METAP2: variants seen among roughly 807,000 people sequenced by gnomAD.
METAP2 encodes methionine aminopeptidase 2.
In METAP2, 25 loss-of-function variants were observed where a neutral mutation model predicts 59.4. The ratio of observed to expected loss-of-function variants is 0.42; its 90% CI spans 0.31 to 0.59. The LOEUF (loss-of-function observed/expected upper bound fraction) is 0.59, where lower values mean the gene tolerates loss of function less well. Among genes scored for constraint, METAP2 ranks in the 20% least tolerant of loss-of-function variants. The pLI, the probability that METAP2 is intolerant of heterozygous loss-of-function variation, is 0.16. For missense variants in METAP2, 366 were observed against 581.2 expected, an observed-to-expected ratio of 0.63 and a Z score of 3.81; for synonymous variants, 214 against 194.1, an observed-to-expected ratio of 1.10 and a Z score of -0.85.
intron 2 of METAP2, among the ~76,000 whole-genome samples, chr12:95,481,409 A>T (rs922681771): frequency 6.6e-6 from 1 of 152,200 alleles, no homozygotes; most frequent in Admixed American, 6.5e-5. Context: ...AGACCCTGTC[A>T]CAGAAAAACC....
Position 95,515,070 on chromosome 12 carries a change from T to C in METAP2, c.*1166T>C, listed in dbSNP as rs561976821. The C allele has an allele frequency of 6.5e-6, 1 of 152,812 alleles. No homozygotes were observed. Among genetic ancestry groups the C allele is most frequent in the South Asian group, 2.1e-4 (1 of 4,826 alleles). 9.5% of individuals were successfully genotyped at this position (152,812 alleles called of 1,614,324 possible). A position where few individuals can be genotyped will look rare whatever the true frequency, so the allele number is the denominator to read the frequency against. On this transcript the variant is annotated 3_prime_UTR_variant, in exon 11 of 11. Coordinates refer to ENST00000323666, the MANE Select transcript of METAP2 (RefSeq NM_006838.4). ...ATAATTTTATGGGAATGTTCCATCATAATTTCTAAATCATTTATATATCAA... is the reference window on the plus strand; with the variant it reads ...ATAATTTTATGGGAATGTTCCATCACAATTTCTAAATCATTTATATATCAA...
chr12:95,482,761 C>T (rs2076168311), intron 2 of METAP2, among the ~76,000 whole-genome samples: 1 of 152,114 alleles, frequency 6.6e-6, no homozygotes, highest in Non-Finnish European at 1.5e-5. Context: ...CATTGCACTC[C>T]AGCCTGGGCA....
intron 4 of METAP2, among the ~76,000 whole-genome samples, chr12:95,490,219 G>C (rs1375403126): frequency 6.7e-6 from 1 of 149,384 alleles, no homozygotes; most frequent in Admixed American, 6.7e-5. Flanking sequence ...CTCCTGCATT[G>C]GCCTCCCAAA....
chr12:95,508,195 C>CT, intron 8 of METAP2, among the ~76,000 whole-genome samples: 1 of 152,242 alleles, frequency 6.6e-6, no homozygotes, highest in South Asian at 2.1e-4. Context: ...GGTAAACATA[C>CT]TTTTCTTTGT....
chr12:95,512,427 C>T (rs1164619060), intron 9 of METAP2, among the ~76,000 whole-genome samples: 1 of 152,162 alleles, frequency 6.6e-6, no homozygotes, highest in African/African-American at 2.4e-5. Context: ...TAATTGTAGG[C>T]CAGGCTCGGT....
chr12:95,481,259 A>G (rs2140139832), intron 2 of METAP2, among the ~76,000 whole-genome samples: 1 of 152,280 alleles, frequency 6.6e-6, no homozygotes, highest in East Asian at 1.9e-4. Flanking sequence ...AGATTAAAAA[A>G]CATTAGCCAG....
rs114980501 is a variant in METAP2, at chr12:95,510,250, T to G, written c.965-1645T>G. On this transcript the variant is annotated intron_variant, in intron 8 of 10. Transcript: ENST00000323666. ...CCTCACTCCTCAAGAAATTGAATAT[T>G]GCCAGTATTCCAGAAGACGCTCAGT... Among the ~76,000 whole-genome samples the G allele has an allele frequency of 5.5e-3, 835 of 152,340 alleles. 10 individuals carry two copies. The highest frequency in any genetic ancestry group is 0.019 in the African/African-American group (800 of 41,576).
At chr12:95,501,877 A>ATAG (rs2076318727) in intron 7 of METAP2, among the ~76,000 whole-genome samples, 1 of 151,422 alleles carries the variant, frequency 6.6e-6, no homozygotes, top group Non-Finnish European at 1.5e-5. Context: ...AAGTTACTAC[A>ATAG]TAGTATCCTT....
At chr12:95,512,124 C>A in intron 9 of METAP2, 126 bp downstream of exon 9, 1 of 628,154 alleles carries the variant, frequency 1.6e-6, no homozygotes, top group South Asian at 2.8e-5. Context: ...ATTCACCCTG[C>A]CAGGAATTGG....
chr12:95,507,470 C>G (rs1044348626), intron 8 of METAP2, among the ~76,000 whole-genome samples: 15 of 152,252 alleles, frequency 9.9e-5, no homozygotes, highest in Non-Finnish European at 1.5e-5. Flanking sequence ...GGCAAAATAC[C>G]AGGATTGGCA....
intron 8 of METAP2, among the ~76,000 whole-genome samples, chr12:95,505,382 C>CA (rs1252139959): frequency 6.6e-6 from 1 of 152,192 alleles, no homozygotes; most frequent in Non-Finnish European, 1.5e-5. Flanking sequence ...GGCTGGGATG[C>CA]AATGATGCAA....
intron 7 of METAP2, among the ~76,000 whole-genome samples, chr12:95,500,857 T>A (rs894596004): frequency 6.6e-6 from 1 of 152,182 alleles, no homozygotes; most frequent in Admixed American, 6.5e-5. Flanking sequence ...TTTGCCTCGC[T>A]TTGGTATCAG....
chr12:95,476,464 A>T (rs2076119562), intron 2 of METAP2, among the ~76,000 whole-genome samples: 1 of 149,768 alleles, frequency 6.7e-6, no homozygotes, highest in Admixed American at 6.6e-5. Context: ...GTGAGCTGAG[A>T]TTGCACCACT....
intron 2 of METAP2, among the ~76,000 whole-genome samples, chr12:95,478,597 A>T (rs915320456): frequency 3.9e-5 from 6 of 152,126 alleles, no homozygotes; most frequent in African/African-American, 1.4e-4. Flanking sequence ...GCGCCATTGC[A>T]CTTTAGCCTG....
chr12:95,476,539 A>AGAGAGAGAGAG (rs773224806), intron 2 of METAP2, among the ~76,000 whole-genome samples: 42 of 148,594 alleles, frequency 2.8e-4, no homozygotes, highest in African/African-American at 4.5e-4. Context: ...AGAAAGAAAG[A>AGAGAGAGAGAG]AAAGCTAGAA....
intron 7 of METAP2, among the ~76,000 whole-genome samples, chr12:95,502,730 T>C (rs1394267169): frequency 6.6e-6 from 1 of 152,136 alleles, no homozygotes; most frequent in East Asian, 1.9e-4. Flanking sequence ...GATATACAGG[T>C]CCCTGAGGTT....
At chr12:95,484,659 C>T (rs1444933010) in intron 3 of METAP2, 1 of 297,618 alleles carries the variant, frequency 3.4e-6, no homozygotes, top group Non-Finnish European at 6.4e-6. Flanking sequence ...GTTCTGCTTC[C>T]TCTGAGGATG....
intron 7 of METAP2, among the ~76,000 whole-genome samples, 188 bp from the exon 8 acceptor site, chr12:95,503,877 G>C (rs78145003): frequency 6.6e-6 from 1 of 152,152 alleles, no homozygotes; most frequent in Non-Finnish European, 1.5e-5. Context: ...TGTCTATTTA[G>C]GGAGGCAGAT....
chr12:95,480,092 G>A lies in METAP2; in HGVS notation c.260-3123G>A, dbSNP rs576034339. ...CCTAACCCTTAGCAATCACTGATAC[G>A]TTTTCTGACCCTAGTTTTGGCCTTT... is the stretch of plus-strand genomic sequence containing the variant. On this transcript the variant is annotated intron_variant, in intron 2 of 10. Transcript: ENST00000323666. Among the ~76,000 whole-genome samples the A allele has an allele frequency of 5.3e-5, 8 of 152,238 alleles. No individual in the cohort carries two copies. In the South Asian group the frequency reaches 1.2e-3, roughly 24 times the overall value.
Sources: gnomAD v4.1 joint callset for allele counts (sites outside exome capture counted in the v4.1 genomes callset) on GRCh38, gnomAD v4.1.1 for gene constraint, MANE v1.5 for transcripts, NCBI Gene and HGNC (gene_info 2026-07-23, HGNC 2026-07-21) for gene names.